FBXL17: variants seen among roughly 807,000 people sequenced by gnomAD.
FBXL17 encodes F-box and leucine rich repeat protein 17.
Under a neutral mutation model 66.2 loss-of-function variants are expected in FBXL17, and 22 were observed. The ratio of observed to expected loss-of-function variants is 0.33; its 90% CI spans 0.24 to 0.47. The LOEUF is 0.47. Ranked by LOEUF, FBXL17 falls within the 20% of genes least tolerant of loss-of-function variation. The pLI, the probability that FBXL17 is intolerant of heterozygous loss-of-function variation, is 1.00. For missense variants in FBXL17, 878 were observed against 948.2 expected (o/e 0.93, Z 0.97); for synonymous variants, 474 against 400.5 (o/e 1.18, Z -2.19).
intron 5 of FBXL17, among the ~76,000 whole-genome samples, chr5:108,211,856 G>A (rs1319152361): frequency 1.3e-5 from 2 of 152,132 alleles, no homozygotes; most frequent in African/African-American, 2.4e-5. Context: ...TGTATTTCCT[G>A]AATTTGCATG....
chr5:108,221,227 A>G (rs1754850678), intron 5 of FBXL17, among the ~76,000 whole-genome samples: 1 of 152,154 alleles, frequency 6.6e-6, no homozygotes, highest in Non-Finnish European at 1.5e-5. Flanking sequence ...AATCAAAGGG[A>G]CCACAAGAGG....
chr5:107,961,557 G>T (rs1175988628), intron 7 of FBXL17, among the ~76,000 whole-genome samples: 2 of 152,042 alleles, frequency 1.3e-5, no homozygotes, highest in African/African-American at 2.4e-5. Context: ...ATGTGATGGG[G>T]GTGTAGAGTG....
intron 4 of FBXL17, among the ~76,000 whole-genome samples, chr5:108,261,029 AATC>A: frequency 6.6e-6 from 1 of 152,326 alleles, no homozygotes; most frequent in Non-Finnish European, 1.5e-5. Context: ...ATGAATAAGA[AATC>A]ATTAAAAATA....
intron 7 of FBXL17, among the ~76,000 whole-genome samples, chr5:107,951,627 T>C (rs1263428699): frequency 6.6e-6 from 1 of 152,220 alleles, no homozygotes; most frequent in East Asian, 1.9e-4. Context: ...AAGGGCAGTA[T>C]ATGAGAGAGC....
chr5:108,297,026 G>A (rs1198795613), intron 4 of FBXL17, among the ~76,000 whole-genome samples: 1 of 151,164 alleles, frequency 6.6e-6, no homozygotes, highest in Non-Finnish European at 1.5e-5. Flanking sequence ...ATCATTTTCT[G>A]AAATAATAAA....
chr5:108,300,832 T>C (rs1288825807), intron 4 of FBXL17, among the ~76,000 whole-genome samples: 4 of 151,774 alleles, frequency 2.6e-5, no homozygotes, highest in African/African-American at 9.7e-5. Context: ...AGTAAAGTTC[T>C]GTTAGTTCCA....
rs147118578 is a variant in FBXL17 at position 108,078,815 on chromosome 5, A to G, written c.1746-57814T>C. Reference sequence around the variant, plus strand: ...TGTAACCTCAAGATATTAATAGTATATAAGCTTCTGTACTCCACTACGGGG... The same window carrying G: ...TGTAACCTCAAGATATTAATAGTATGTAAGCTTCTGTACTCCACTACGGGG... On this transcript the variant is annotated intron_variant, in intron 6 of 8. Transcript: ENST00000542267. 7.4e-4 allele frequency among the ~76,000 whole-genome samples: 112 copies of G among 152,282 alleles called. 1 individual carries two copies. In the South Asian group the frequency reaches 0.014, roughly 19 times the overall value.
At chr5:108,123,832 C>T (rs980104592) in intron 6 of FBXL17, among the ~76,000 whole-genome samples, 5 of 152,100 alleles carry the variant, frequency 3.3e-5, no homozygotes, top group African/African-American at 1.2e-4. Context: ...CCTAAATGAT[C>T]CGTCAAAATC....
In FBXL17 at chr5:108,095,578, T is replaced by C. The variant is rs558612577; in HGVS notation, c.1746-74577A>G. ...TTAGAGCATCTGTTTTGATAATTTA[T>C]TGACAATTTAGATAATTTTTGATTC... On this transcript the variant is annotated intron_variant, in intron 6 of 8. Transcript: ENST00000542267. 8.5e-5 allele frequency among the ~76,000 whole-genome samples: 13 copies of C among 152,270 alleles called. No individual in the cohort carries two copies. The South Asian group carries it at 1.0e-3, about 12-fold the overall frequency.
At chr5:107,982,903 CCCACTGCTACGTTTGGCCAT>C (rs1404940899) in intron 7 of FBXL17, among the ~76,000 whole-genome samples, 8 of 152,148 alleles carry the variant, frequency 5.3e-5, no homozygotes, top group Non-Finnish European at 1.0e-4. Flanking sequence ...CCTCCCATGC[CCCACTGCTACGTTTGGCCAT>C]GGGGACCACA....
chr5:108,006,365 A>C (rs1296413606), intron 7 of FBXL17, among the ~76,000 whole-genome samples: 1 of 151,542 alleles, frequency 6.6e-6, no homozygotes, highest in South Asian at 2.1e-4. Flanking sequence ...ACTTAAATAT[A>C]TTTTGAGGAT....
chr5:107,879,781 C>T (rs1748725941), intron 8 of FBXL17: 5 of 985,276 alleles, frequency 5.1e-6, no homozygotes, highest in Non-Finnish European at 6.0e-6. Flanking sequence ...TAAATTAGTA[C>T]AAGATGGCGG....
intron 6 of FBXL17, among the ~76,000 whole-genome samples, chr5:108,095,126 A>C (rs976451022): frequency 6.6e-6 from 1 of 152,056 alleles, no homozygotes; most frequent in Admixed American, 6.5e-5. Context: ...ATAACGTAAT[A>C]TATTTACATT....
At chr5:108,268,276 T>C (rs577103623) in intron 4 of FBXL17, among the ~76,000 whole-genome samples, 23 of 152,194 alleles carry the variant, frequency 1.5e-4, no homozygotes, top group African/African-American at 5.5e-4. Context: ...GGTAGGGATG[T>C]GGGTGTGTGT....
Position 108,381,680 on chromosome 5 carries a change from AAG to A in FBXL17, c.10_11del (p.Leu4SerfsTer7). On this transcript the variant is annotated frameshift_variant, in exon 1 of 9. Transcript: ENST00000542267. LOFTEE classifies it high-confidence loss of function. MGHLLSKEPRNRPS... is the reference protein window; with the variant it reads MGHXLSKEPRNRPS... ...GGCGGTTACGCGGCTCCTTCGAGAG[AAG>A]GTGGCCCATATAGAAGGCCCCGAGG... 6.8e-7 allele frequency: 1 copy of A among 1,473,180 alleles called. No homozygotes were observed. 91.3% of individuals were successfully genotyped at this position (1,473,180 alleles called of 1,614,324 possible).
intron 6 of FBXL17, among the ~76,000 whole-genome samples, chr5:108,039,106 G>A (rs868463719): frequency 6.6e-5 from 10 of 152,030 alleles, no homozygotes; most frequent in South Asian, 2.1e-4. Context: ...TACCAGGGCA[G>A]AAAAGAGGGC....
In FBXL17 at chr5:108,380,758, T is replaced by C; in HGVS notation, c.934A>G (p.Arg312Gly). The change falls in exon 1 of 9, where the codon AGG (arginine) becomes GGG (glycine). Residue 312 changes from arginine (R) to glycine (G), a missense_variant. By Grantham distance (125) the Arg-to-Gly change is moderately radical (BLOSUM62 -2). Around this residue, in one of 4 missense-constraint regions of FBXL17, gnomAD observed 605 missense variants for 509.5 expected, o/e 1.19. Coordinates refer to ENST00000542267, the MANE Select transcript of FBXL17 (RefSeq NM_001163315.3). ...TCTGGGGTTTCGGGGGGCGGCTCCC[T>C]GTGACAGTCGCAGGGGTTTTCGGGG... is the stretch of plus-strand genomic sequence containing the variant. Reference protein sequence around the residue: ...ESPENPCDCHREPPPETPDIN... With the variant: ...ESPENPCDCHGEPPPETPDIN... 1 of 1,249,152 alleles carries C rather than the reference T, an allele frequency of 8.0e-7. No homozygotes were observed. The highest frequency in any genetic ancestry group is 1.0e-6 in the Non-Finnish European group (1 of 989,202). The allele number at this position is 1,249,152 out of a possible 1,614,324, so 77.4% of individuals were successfully genotyped here.
intron 4 of FBXL17, among the ~76,000 whole-genome samples, chr5:108,235,399 G>A (rs1384942478): frequency 6.6e-6 from 1 of 152,070 alleles, no homozygotes; most frequent in Non-Finnish European, 1.5e-5. Context: ...CTGTAAAGAT[G>A]GCCTAGAATA....
At chr5:108,021,244 G>A (rs1248274884) in intron 6 of FBXL17, among the ~76,000 whole-genome samples, 1 of 150,932 alleles carries the variant, frequency 6.6e-6, no homozygotes, top group African/African-American at 2.4e-5. Flanking sequence ...ATTCCCATAA[G>A]AGTAATGTTA....
Sources: gnomAD v4.1 joint callset for allele counts (sites outside exome capture counted in the v4.1 genomes callset) on GRCh38, gnomAD v4.1.1 for gene constraint, gnomAD v4.1.1 regional missense constraint, MANE v1.5 for transcripts, NCBI Gene and HGNC (gene_info 2026-07-23, HGNC 2026-07-21) for gene names.